Variants in IQCJ observed in about 807,000 individuals in gnomAD.
IQCJ encodes the protein IQ domain-containing protein J.
A neutral mutation model predicts 11.0 loss-of-function variants in IQCJ; 9 were observed. The observed-to-expected ratio is 0.82, with a 90% CI of 0.49 to 1.43. The LOEUF (loss-of-function observed/expected upper bound fraction) is 1.43. IQCJ is among the 40% of genes most tolerant of loss of function. IQCJ has a pLI of 0.00. For synonymous variants in IQCJ, 55 were observed against 51.3 expected (o/e 1.07, Z -0.31); for missense variants, 146 against 133.2 (o/e 1.10, Z -0.47).
At chr3:159,093,288 C>T (rs1717471053) in intron 1 of IQCJ, among the ~76,000 whole-genome samples, 1 of 151,790 alleles carries the variant, frequency 6.6e-6, no homozygotes, top group Non-Finnish European at 1.5e-5. Context: ...CCAGCCTTTG[C>T]CTGAAAATGA....
intron 1 of IQCJ, among the ~76,000 whole-genome samples, chr3:159,211,652 T>C (rs1461137328): frequency 6.6e-6 from 1 of 152,124 alleles, no homozygotes; most frequent in Admixed American, 6.6e-5. Context: ...AGCCAGTGAG[T>C]AGTGAAGAGA....
At chr3:159,204,921 G>A (rs1368914323) in intron 1 of IQCJ, among the ~76,000 whole-genome samples, 1 of 152,164 alleles carries the variant, frequency 6.6e-6, no homozygotes, top group Non-Finnish European at 1.5e-5. Flanking sequence ...GGGGTAGCAG[G>A]CCAGGGATGT....
At chr3:159,094,846 C>T (rs1396528609) in intron 1 of IQCJ, among the ~76,000 whole-genome samples, 1 of 151,718 alleles carries the variant, frequency 6.6e-6, no homozygotes, top group African/African-American at 2.4e-5. Context: ...GTTGATGTAA[C>T]TTCATTCTCA....
intron 1 of IQCJ, among the ~76,000 whole-genome samples, chr3:159,116,693 A>G (rs1559991730): frequency 8.2e-6 from 1 of 122,120 alleles, no homozygotes; most frequent in South Asian, 2.6e-4. Flanking sequence ...AGATTTTCTC[A>G]TCTGCTCTCT....
chr3:159,091,680 A>G (rs879461071), intron 1 of IQCJ, among the ~76,000 whole-genome samples: 3,837 of 80,782 alleles, frequency 0.047, 114 homozygotes, highest in Middle Eastern at 0.094. Context: ...GCATGCACAC[A>G]CACACACACA....
At chr3:159,203,955 A>G (rs1724502773) in intron 1 of IQCJ, among the ~76,000 whole-genome samples, 1 of 152,094 alleles carries the variant, frequency 6.6e-6, no homozygotes. Flanking sequence ...ATTTTTGTAT[A>G]TTTAACAGGG....
At chr3:159,101,767 T>C (rs1044441700) in intron 1 of IQCJ, among the ~76,000 whole-genome samples, 4 of 152,226 alleles carry the variant, frequency 2.6e-5, no homozygotes, top group Non-Finnish European at 2.9e-5. Flanking sequence ...ATCAATACTT[T>C]CTTAATGTCA....
At chr3:159,242,768 G>A (rs946176030) in intron 1 of IQCJ, among the ~76,000 whole-genome samples, 2 of 150,970 alleles carry the variant, frequency 1.3e-5, no homozygotes, top group South Asian at 2.1e-4. Context: ...TATATTTGGG[G>A]GCAGGAAAAT....
chr3:159,266,107 A>C (rs1488299895), downstream of IQCJ: 1 of 152,202 alleles, frequency 6.6e-6, no homozygotes. Context: ...TAATCCTATC[A>C]ATGATCATAC....
At chr3:159,232,934 T>C (rs530855155) in intron 1 of IQCJ, among the ~76,000 whole-genome samples, 1 of 152,320 alleles carries the variant, frequency 6.6e-6, no homozygotes, top group East Asian at 1.9e-4. Context: ...ACAGATCTTC[T>C]GGGACAGATA....
At chr3:159,228,562 G>T (rs536563931) in intron 1 of IQCJ, among the ~76,000 whole-genome samples, 51 of 152,100 alleles carry the variant, frequency 3.4e-4, no homozygotes, top group African/African-American at 1.2e-3. Context: ...AGGCCGAGGC[G>T]GGCGGATCAC....
At chr3:159,179,277 T>G (rs1722958834) in intron 1 of IQCJ, among the ~76,000 whole-genome samples, 2 of 152,196 alleles carry the variant, frequency 1.3e-5, no homozygotes. Context: ...TGGGACTATT[T>G]AACAGTTCAC....
intron 1 of IQCJ, among the ~76,000 whole-genome samples, chr3:159,136,529 G>A (rs1174928743): frequency 6.6e-6 from 1 of 152,146 alleles, no homozygotes; most frequent in African/African-American, 2.4e-5. Context: ...TAAACTGGGT[G>A]GCTTATGAAC....
At chr3:159,096,376 C>A (rs1717755500) in intron 1 of IQCJ, among the ~76,000 whole-genome samples, 1 of 148,344 alleles carries the variant, frequency 6.7e-6, no homozygotes, top group Non-Finnish European at 1.5e-5. Flanking sequence ...TTAATTAGAT[C>A]CCATTTGTCA....
chr3:159,223,902 G>A (rs975400735), intron 1 of IQCJ, among the ~76,000 whole-genome samples: 3 of 152,072 alleles, frequency 2.0e-5, no homozygotes, highest in Non-Finnish European at 2.9e-5. Context: ...GTGTTTAGAT[G>A]TGGGTCCCAT....
At chr3:159,228,040 G>C (rs1725963104) in intron 1 of IQCJ, among the ~76,000 whole-genome samples, 1 of 152,176 alleles carries the variant, frequency 6.6e-6, no homozygotes, top group Non-Finnish European at 1.5e-5. Context: ...CTGAATAGTA[G>C]AGATTCCATT....
Position 159,263,429 on chromosome 3 carries a change from T to C in IQCJ, c.*698T>C, listed in dbSNP as rs1289236579. On this transcript the variant is annotated 3_prime_UTR_variant, in exon 4 of 4. Coordinates refer to ENST00000397832, the MANE Select transcript of IQCJ (RefSeq NM_001042706.3). ...GATAGAGAGTTAAGGAATAAGGGAA[T>C]CTGCTGGAAGTCTTTATTTTTAAAA... 7 of 983,620 alleles carry C rather than the reference T, an allele frequency of 7.1e-6. No individual in the cohort carries two copies. The South Asian group carries it at 2.4e-4, about 33-fold the overall frequency. The allele number at this position is 983,620 out of a possible 1,614,324, so 60.9% of individuals were successfully genotyped here.
chr3:159,075,996 T>C (rs1715887905), intron 1 of IQCJ, among the ~76,000 whole-genome samples: 1 of 152,070 alleles, frequency 6.6e-6, no homozygotes, highest in Admixed American at 6.6e-5. Context: ...CTCTCCATCC[T>C]TGGGCCGCTC....
At chr3:159,211,466 C>T (rs933173621) in intron 1 of IQCJ, among the ~76,000 whole-genome samples, 4 of 152,202 alleles carry the variant, frequency 2.6e-5, no homozygotes, top group African/African-American at 4.8e-5. Flanking sequence ...TTTTCCCTCT[C>T]AAAGGTGTCC....
Sources: allele counts gnomAD v4.1 joint callset (sites outside exome capture counted in the v4.1 genomes callset), GRCh38; gene constraint gnomAD v4.1.1; transcripts MANE v1.5; gene names NCBI Gene and HGNC (gene_info 2026-07-23, HGNC 2026-07-21).